Variants in SPAG16 observed in about 807,000 individuals in gnomAD.
SPAG16 encodes sperm associated antigen 16, also known as sperm-associated antigen 16 protein.
SPAG16 carries 86 observed loss-of-function variants against 80.4 expected under a neutral mutation model. The ratio of observed to expected loss-of-function variants is 1.07; its 90% CI spans 0.90 to 1.28. The LOEUF is 1.28. SPAG16 is among the 50% of genes most tolerant of loss of function. The probability of loss-of-function intolerance (pLI) is 0.00; values close to 1 mark genes in which losing one functional copy is unlikely to be tolerated. For synonymous variants in SPAG16, 294 were observed against 265.9 expected, an observed-to-expected ratio of 1.11 and a Z score of -1.03; for missense variants, 870 against 765.3, an observed-to-expected ratio of 1.14 and a Z score of -1.61.
intron 10 of SPAG16, among the ~76,000 whole-genome samples, chr2:213,676,066 C>T (rs984230921): frequency 1.3e-5 from 2 of 152,034 alleles, no homozygotes; most frequent in Non-Finnish European, 2.9e-5. Flanking sequence ...TTTCACTGAG[C>T]AGTGGTTTGT....
chr2:214,399,909 C>T (rs1250251622), intron 15 of SPAG16, among the ~76,000 whole-genome samples: 1 of 151,990 alleles, frequency 6.6e-6, no homozygotes, highest in Non-Finnish European at 1.5e-5. Flanking sequence ...ATATGGGGTT[C>T]CTGAATAAAT....
intron 12 of SPAG16, 28 bp from the exon 13 acceptor site, chr2:214,013,923 C>T (rs2047448830): frequency 1.2e-6 from 2 of 1,608,196 alleles, no homozygotes; most frequent in Non-Finnish European, 1.7e-6. Context: ...ATACTAACTC[C>T]TAAAATTCTT....
intron 10 of SPAG16, among the ~76,000 whole-genome samples, chr2:213,541,299 T>G (rs2076438565): frequency 5.3e-5 from 8 of 151,918 alleles, no homozygotes. Context: ...ACGCATAGAG[T>G]GAAAACTGCT....
chr2:213,376,337 A>G (rs982695247), intron 9 of SPAG16, among the ~76,000 whole-genome samples: 1 of 152,044 alleles, frequency 6.6e-6, no homozygotes, highest in African/African-American at 2.4e-5. Context: ...TAATAATGCA[A>G]GGTTGACTTT....
At chr2:213,587,388 G>A (rs1388472878) in intron 10 of SPAG16, among the ~76,000 whole-genome samples, 2 of 152,160 alleles carry the variant, frequency 1.3e-5, no homozygotes, top group African/African-American at 4.8e-5. Flanking sequence ...GGTCAATTGA[G>A]GAGTACAGCA....
chr2:214,066,798 G>C (rs1181567710), intron 13 of SPAG16, among the ~76,000 whole-genome samples: 1 of 152,180 alleles, frequency 6.6e-6, no homozygotes, highest in African/African-American at 2.4e-5. Context: ...GATGAATATA[G>C]ATGGATGTTT....
At chr2:214,320,371 C>A (rs376537502) in intron 15 of SPAG16, among the ~76,000 whole-genome samples, 2 of 152,196 alleles carry the variant, frequency 1.3e-5, no homozygotes, top group Non-Finnish European at 2.9e-5. Flanking sequence ...GATACTCTAG[C>A]CTTTCTTCAC....
chr2:213,407,881 GGC>G (rs2068735329), intron 9 of SPAG16, among the ~76,000 whole-genome samples: 2 of 84,846 alleles, frequency 2.4e-5, no homozygotes, highest in Non-Finnish European at 3.1e-5. Context: ...AGAGGAGAGA[GGC>G]AGAGAGAGAG....
chr2:214,410,355 G>A lies in SPAG16; in HGVS notation c.*40G>A, dbSNP rs187847825. The A allele has an allele frequency of 1.5e-4, 225 of 1,540,222 alleles. No individual in the cohort carries two copies. The highest frequency in any genetic ancestry group is 1.9e-4 in the Non-Finnish European group (219 of 1,133,932). On this transcript the variant is annotated 3_prime_UTR_variant, in exon 16 of 16. Coordinates refer to ENST00000331683, the MANE Select transcript of SPAG16 (RefSeq NM_024532.5). ...CGCTGCAGAGGGCATTCCCTTTAAGGCTTGAAAATGCCTCCTGTAGTCCCA... is the reference window on the plus strand; with the variant it reads ...CGCTGCAGAGGGCATTCCCTTTAAGACTTGAAAATGCCTCCTGTAGTCCCA...
In SPAG16 at chr2:214,410,471, T is replaced by A. The variant is rs922928947; in HGVS notation, c.*156T>A. 8 of 553,206 alleles carry A rather than the reference T, an allele frequency of 1.4e-5. No individual in the cohort carries two copies. The highest frequency in any genetic ancestry group is 1.1e-4 in the Admixed American group (3 of 27,952). 34.3% of individuals were successfully genotyped at this position (553,206 alleles called of 1,614,324 possible). A position where few individuals can be genotyped will look rare whatever the true frequency, so the allele number is the denominator to read the frequency against. ...TGGACATATATTTTAGTGCTCATACTGTTACTAATAAAAAAATAACTTTAT... is the reference window on the plus strand; with the variant it reads ...TGGACATATATTTTAGTGCTCATACAGTTACTAATAAAAAAATAACTTTAT... On this transcript the variant is annotated 3_prime_UTR_variant, in exon 16 of 16. Coordinates refer to ENST00000331683, the MANE Select transcript of SPAG16 (RefSeq NM_024532.5).
At position 213,678,152 on chromosome 2, in the gene SPAG16, C is replaced by T. The variant is rs188585163; in HGVS notation, c.1071-184333C>T. On this transcript the variant is annotated intron_variant, in intron 10 of 15. Coordinates refer to ENST00000331683, the MANE Select transcript of SPAG16 (RefSeq NM_024532.5). ...AGGGAAATTTATAGCACTAAATGCC[C>T]ACAAGAGAAAGCAGGAAAGATGCAA... is the stretch of plus-strand genomic sequence containing the variant. Among the ~76,000 whole-genome samples the T allele has an allele frequency of 6.2e-3, 942 of 152,014 alleles. 6 individuals carry two copies. The highest frequency in any genetic ancestry group is 9.2e-3 in the Non-Finnish European group (624 of 67,966).
At chr2:214,111,562 C>T (rs976675834) in intron 14 of SPAG16, among the ~76,000 whole-genome samples, 5 of 152,070 alleles carry the variant, frequency 3.3e-5, no homozygotes, top group East Asian at 1.9e-4. Flanking sequence ...AGTCAGGTAG[C>T]GTGATGCCTC....
chr2:213,936,926 A>G (rs1001972294), intron 12 of SPAG16, among the ~76,000 whole-genome samples: 6 of 152,196 alleles, frequency 3.9e-5, no homozygotes, highest in Non-Finnish European at 1.5e-5. Flanking sequence ...GATGACAGAA[A>G]CAGAAGTCTA....
intron 10 of SPAG16, among the ~76,000 whole-genome samples, chr2:213,638,004 G>A (rs142491903): frequency 0.015 from 2,293 of 152,254 alleles, 25 homozygotes; most frequent in Middle Eastern, 0.041. Context: ...TGATCCGCCC[G>A]TCTTGGCCTC....
intron 10 of SPAG16, among the ~76,000 whole-genome samples, chr2:213,685,915 A>G (rs1276020038): frequency 6.6e-6 from 1 of 152,240 alleles, no homozygotes; most frequent in East Asian, 1.9e-4. Flanking sequence ...TTCAATCTCT[A>G]TTAAAAACTG....
intron 10 of SPAG16, among the ~76,000 whole-genome samples, chr2:213,755,155 G>T (rs1303539279): frequency 6.6e-6 from 1 of 152,106 alleles, no homozygotes; most frequent in Non-Finnish European, 1.5e-5. Context: ...CATTTTGCAG[G>T]TTCAGTGTAT....
chr2:213,905,113 A>T (rs2077382097), intron 11 of SPAG16, among the ~76,000 whole-genome samples: 1 of 152,222 alleles, frequency 6.6e-6, no homozygotes, highest in Non-Finnish European at 1.5e-5. Context: ...GAAATATCCT[A>T]TTGTGATGAT....
At chr2:214,235,002 C>T (rs143757044) in intron 15 of SPAG16, among the ~76,000 whole-genome samples, 187 of 152,176 alleles carry the variant, frequency 1.2e-3, no homozygotes, top group Middle Eastern at 6.8e-3. Flanking sequence ...AGGTCATAGT[C>T]TGGAATATTA....
At chr2:214,221,947 A>G (rs899309210) in intron 15 of SPAG16, among the ~76,000 whole-genome samples, 14 of 152,112 alleles carry the variant, frequency 9.2e-5, no homozygotes, top group African/African-American at 3.4e-4. Flanking sequence ...TTGAAAAAAA[A>G]CATTAAAAAT....
Sources: gnomAD v4.1 joint callset for allele counts (sites outside exome capture counted in the v4.1 genomes callset) on GRCh38, gnomAD v4.1.1 for gene constraint, MANE v1.5 for transcripts, NCBI Gene and HGNC (gene_info 2026-07-23, HGNC 2026-07-21) for gene names.